PAN2: variants seen among roughly 807,000 people sequenced by gnomAD.
PAN2 encodes PAN2-PAN3 deadenylation complex catalytic subunit PAN2.
Under a neutral mutation model 133.3 loss-of-function variants are expected in PAN2, and 68 were observed. The ratio of observed to expected loss-of-function variants is 0.51; its 90% CI spans 0.42 to 0.62. The LOEUF (loss-of-function observed/expected upper bound fraction) is 0.62. PAN2 is among the 20% of genes least tolerant of loss of function. The probability of loss-of-function intolerance (pLI) is 0.00; values close to 1 mark genes in which losing one functional copy is unlikely to be tolerated. For synonymous variants in PAN2, 462 were observed against 544.6 expected (o/e 0.85, Z 2.11); for missense variants, 1,042 against 1,500.5 (o/e 0.69, Z 5.05).
intron 20 of PAN2, among the ~76,000 whole-genome samples, chr12:56,320,899 C>T (rs1265171813): frequency 6.6e-6 from 1 of 150,590 alleles, no homozygotes; most frequent in East Asian, 2.0e-4. Context: ...CCTGTCTCTA[C>T]TAAAAATACA....
At chr12:56,324,007 G>A (rs746994409) in intron 13 of PAN2, 42 bp downstream of exon 13, 3 of 1,612,732 alleles carry the variant, frequency 1.9e-6, no homozygotes. Flanking sequence ...ACATTTTGGG[G>A]AGCCTTCCCA....
At position 56,328,582 on chromosome 12, in the gene PAN2, A is replaced by T. The variant is rs1201705884; in HGVS notation, c.342T>A (p.Asn114Lys). 6.2e-7 allele frequency: 1 copy of T among 1,614,196 alleles called. No individual in the cohort carries two copies. Among genetic ancestry groups the T allele is most frequent in the Non-Finnish European group, 8.5e-7 (1 of 1,180,004 alleles). ...GGATCTGCCGAATATCATCACTGCC[A>T]TTGACTTGAAAGGATGAGTAGCGCT... ...ALERYSSFQV[N>K]GSDDIRQIQS... The change falls in exon 3 of 26, where the codon AAT (asparagine) becomes AAA (lysine). Residue 114 changes from asparagine (N) to lysine (K), a missense_variant. Transcript: ENST00000440411.
intron 18 of PAN2, 24 bp from the exon 19 acceptor site, chr12:56,322,506 G>T (rs372540144): frequency 3.1e-6 from 5 of 1,612,890 alleles, no homozygotes; most frequent in Non-Finnish European, 4.2e-6. Flanking sequence ...AAGAAAGCCT[G>T]TGGCGATACA....
At chr12:56,332,742 G>C (rs1876058866) in intron 2 of PAN2, 71 bp downstream of exon 2, 1 of 1,513,020 alleles carries the variant, frequency 6.6e-7, no homozygotes, top group African/African-American at 1.4e-5. Context: ...CTGCAAAGCA[G>C]CTTCCTTGGG....
chr12:56,318,813 A>G (rs950312935), intron 24 of PAN2, among the ~76,000 whole-genome samples: 1 of 152,048 alleles, frequency 6.6e-6, no homozygotes, highest in Non-Finnish European at 1.5e-5. Flanking sequence ...ATAGTGAACT[A>G]TGCACCCAAT....
chr12:56,333,287 G>A, intron 1 of PAN2, 79 bp from the exon 2 acceptor site: 1 of 594,368 alleles, frequency 1.7e-6, no homozygotes, highest in Non-Finnish European at 3.0e-6. Context: ...ATGGGGGCAG[G>A]AGGGAGATGA....
rs1874793868 is a variant in PAN2 at position 56,323,559 on chromosome 12, C to T, written c.2212G>A (p.Val738Ile). The T allele has an allele frequency of 6.2e-7, 1 of 1,614,070 alleles. No individual in the cohort carries two copies. Among genetic ancestry groups the T allele is most frequent in the African/African-American group, 1.3e-5 (1 of 74,934 alleles). The change falls in exon 15 of 26, where the codon GTC (valine) becomes ATC (isoleucine). Residue 738 changes from valine (V) to isoleucine (I), a missense_variant. Transcript: ENST00000440411. The stretch of plus-strand genomic sequence containing the variant: ...GAGCTGTTCACCTCACAATTGATGA[C>T]AAGAATATCTGGCAGATGGCGGATG... ...RNIRHLPDIL[V>I]INCEVNSSKE...
In PAN2 at chr12:56,317,238, C is replaced by T. The variant is rs1874025875; in HGVS notation, c.*371G>A. 1 of 232,276 alleles carries T rather than the reference C, an allele frequency of 4.3e-6. No homozygotes were observed. Among genetic ancestry groups the T allele is most frequent in the African/African-American group, 2.3e-5 (1 of 43,562 alleles). 14.4% of individuals were successfully genotyped at this position (232,276 alleles called of 1,614,324 possible). ...AAGTCTTGAACTACTGTGGTATCCT[C>T]TGTCACTGTCCAGGACTTCAATCCC... On this transcript the variant is annotated 3_prime_UTR_variant, in exon 26 of 26. Coordinates refer to ENST00000440411, the MANE Select transcript of PAN2 (RefSeq NM_014871.6).
Position 56,325,246 on chromosome 12 carries a change from C to T in PAN2, c.1479+89G>A, listed in dbSNP as rs1874984756. On this transcript the variant is annotated intron_variant, in intron 9 of 25. Transcript: ENST00000440411. ...GGTCCAGGGTGGTAGTTGAAGGCCT[C>T]CTGACTGAGTCCTTCAATCCTTTCT... is the stretch of plus-strand genomic sequence containing the variant. 3 of 1,587,972 alleles carry T rather than the reference C, an allele frequency of 1.9e-6. No individual in the cohort carries two copies. In the Admixed American group the frequency reaches 5.2e-5, roughly 27 times the overall value.
At position 56,328,284 on chromosome 12, in the gene PAN2, T is replaced by A. The variant is rs1201177760; in HGVS notation, c.527A>T (p.Asn176Ile). 1 of 1,608,848 alleles carries A rather than the reference T, an allele frequency of 6.2e-7. No homozygotes were observed. The highest frequency in any genetic ancestry group is 8.5e-7 in the Non-Finnish European group (1 of 1,177,204). Residue 176 changes from asparagine to isoleucine, a missense_variant, in exon 4 of 26, where the codon AAT becomes ATT. By Grantham distance (149) the Asn-to-Ile change is moderately radical. Around this residue, in one of 3 missense-constraint regions of PAN2, gnomAD observed 908 missense variants for 1,223.5 expected, o/e 0.74. Transcript: ENST00000440411. ...SSTLLVGGLQ[N>I]HIIEIDLNTV... ...GTTAAGATCAATCTCTATTATGTGA[T>A]TCTGCAGCCCACCAACGAGTAGAGT... is the stretch of plus-strand genomic sequence containing the variant.
rs1487060240 is a variant in PAN2, at chr12:56,324,620, C to G, written c.1689G>C (p.Leu563=). 1 of 1,614,172 alleles carries G rather than the reference C, an allele frequency of 6.2e-7. No homozygotes were observed. Among genetic ancestry groups the G allele is most frequent in the Non-Finnish European group, 8.5e-7 (1 of 1,180,038 alleles). The part of the protein sequence containing the change: ...EFCLACELGF[L]FHMLDLSRGD... The stretch of plus-strand genomic sequence containing the variant: ...CACGAGAGAGGTCCAACATGTGAAA[C>G]AGGAAGCCCAGCTCACATGCCAGAC... The change falls in exon 11 of 26, where the codon CTG becomes CTC. Residue 563 remains leucine (L), a synonymous_variant. Coordinates refer to ENST00000440411, the MANE Select transcript of PAN2 (RefSeq NM_014871.6).
chr12:56,316,962 T>G lies in PAN2; in HGVS notation c.*647A>C, dbSNP rs1434867875. On this transcript the variant is annotated 3_prime_UTR_variant, in exon 26 of 26. Coordinates refer to ENST00000440411, the MANE Select transcript of PAN2 (RefSeq NM_014871.6). ...GAGATAAATAACAAACGATATTTTA[T>G]TTTTATTTTATAAAACATGCAGTTT... The G allele has an allele frequency of 6.6e-6, 1 of 152,116 alleles. No homozygotes were observed. The highest frequency in any genetic ancestry group is 1.5e-5 in the Non-Finnish European group (1 of 68,056). The allele number at this position is 152,116 out of a possible 1,614,324, so 9.4% of individuals were successfully genotyped here.
chr12:56,317,395 G>A lies in PAN2; in HGVS notation c.*214C>T, dbSNP rs1443292853. On this transcript the variant is annotated 3_prime_UTR_variant, in exon 26 of 26. Coordinates refer to ENST00000440411, the MANE Select transcript of PAN2 (RefSeq NM_014871.6). ...GACTCCATGTCTGTACCACTGTTTT[G>A]CAAAGAATGAAGAAGGAATGAATCT... is the stretch of plus-strand genomic sequence containing the variant. 3.4e-6 allele frequency: 2 copies of A among 591,300 alleles called. No homozygotes were observed. The highest frequency in any genetic ancestry group is 6.1e-6 in the Non-Finnish European group (2 of 327,970). The allele number at this position is 591,300 out of a possible 1,614,324, so 36.6% of individuals were successfully genotyped here. A position where few individuals can be genotyped will look rare whatever the true frequency, so the allele number is the denominator to read the frequency against.
intron 2 of PAN2, among the ~76,000 whole-genome samples, chr12:56,329,883 G>A (rs979946006): frequency 2.0e-5 from 3 of 147,724 alleles, no homozygotes; most frequent in African/African-American, 7.5e-5. Context: ...GGCAGAGGTT[G>A]CAGTGAGCTG....
At chr12:56,327,699 C>A in intron 5 of PAN2, 68 bp from the exon 6 acceptor site, 1 of 1,534,520 alleles carries the variant, frequency 6.5e-7, no homozygotes, top group Non-Finnish European at 8.9e-7. Flanking sequence ...CCTACCTAAC[C>A]CAGTGGGGTC....
chr12:56,326,866 A>G lies in PAN2; in HGVS notation c.1013T>C (p.Val338Ala), dbSNP rs1288171621. 5 of 1,614,198 alleles carry G rather than the reference A, an allele frequency of 3.1e-6. No individual in the cohort carries two copies. In the East Asian group the frequency reaches 8.9e-5, roughly 29 times the overall value. Residue 338 changes from valine to alanine, a missense_variant, in exon 7 of 26, where the codon GTG becomes GCG. Coordinates refer to ENST00000440411, the MANE Select transcript of PAN2 (RefSeq NM_014871.6). ...PVGPLLMTFDVSASKQALAFG... is the reference protein window; with the variant it reads ...PVGPLLMTFDASASKQALAFG... Reference sequence around the variant, plus strand: ...GGCCAGAGCCTGCTTGCTGGCTGACACATCAAATGTCATTAGCAGAGGCCC... The same window carrying G: ...GGCCAGAGCCTGCTTGCTGGCTGACGCATCAAATGTCATTAGCAGAGGCCC...
In PAN2 at chr12:56,333,970, C is replaced by G. The variant is rs542758401; in HGVS notation, c.-223G>C. On this transcript the variant is annotated 5_prime_UTR_variant, in exon 1 of 26. Transcript: ENST00000440411. ...AATTCCAGTTTCCCCAGTTCTCCCC[C>G]ACGCCTAGGGCTCAACCTAACCACT... 6.6e-6 allele frequency: 1 copy of G among 152,188 alleles called. No individual in the cohort carries two copies. The highest frequency in any genetic ancestry group is 2.4e-5 in the African/African-American group (1 of 41,450). The allele number at this position is 152,188 out of a possible 1,614,324, so 9.4% of individuals were successfully genotyped here.
At chr12:56,330,358 T>TC (rs1352075440) in intron 2 of PAN2, among the ~76,000 whole-genome samples, 8 of 97,614 alleles carry the variant, frequency 8.2e-5, no homozygotes, top group South Asian at 3.9e-4. Flanking sequence ...TTTTTCTTTT[T>TC]TTTTTTTTTT....
chr12:56,318,487 C>T, intron 24 of PAN2, 53 bp from the exon 25 acceptor site: 1 of 1,393,554 alleles, frequency 7.2e-7, no homozygotes, highest in South Asian at 1.2e-5. Flanking sequence ...GAGGTAGGAA[C>T]ATGTCTCCCC....
Sources: gnomAD v4.1 joint callset for allele counts (sites outside exome capture counted in the v4.1 genomes callset) on GRCh38, gnomAD v4.1.1 for gene constraint, gnomAD v4.1.1 regional missense constraint, MANE v1.5 for transcripts, NCBI Gene and HGNC (gene_info 2026-07-23, HGNC 2026-07-21) for gene names.